Variants in MCF2 observed in about 807,000 individuals in gnomAD.
The protein encoded by MCF2 is MCF.2 cell line derived transforming sequence.
A neutral mutation model predicts 82.5 loss-of-function variants in MCF2; 44 were observed. That is an observed-to-expected ratio of 0.53 (90% confidence interval 0.42 to 0.69). The LOEUF (loss-of-function observed/expected upper bound fraction) is 0.69, where lower values mean the gene tolerates loss of function less well. MCF2 is among the 30% of genes least tolerant of loss of function. The probability of loss-of-function intolerance (pLI) is 0.00; values close to 1 mark genes in which losing one functional copy is unlikely to be tolerated. For missense variants in MCF2, 623 were observed against 663.1 expected, an observed-to-expected ratio of 0.94 and a Z score of 0.66; for synonymous variants, 217 against 224.9, an observed-to-expected ratio of 0.96 and a Z score of 0.32.
intron 1 of MCF2, among the ~76,000 whole-genome samples, chrX:139,703,085 G>C (rs1005690735): frequency 1.8e-5 from 2 of 112,122 alleles, no homozygotes; most frequent in Non-Finnish European, 3.8e-5. Context: ...AGAACTTCTT[G>C]TAAGGTTGCA....
chrX:139,632,499 C>T, intron 1 of MCF2, 45 bp from the exon 5 acceptor site: 1 of 1,126,942 alleles, frequency 8.9e-7, no homozygotes, highest in East Asian at 3.0e-5. Flanking sequence ...AAATTGTCAA[C>T]ACACACTCAA....
At chrX:139,589,370 A>T (rs1477644454) in intron 20 of MCF2, among the ~76,000 whole-genome samples, 1 of 112,019 alleles carries the variant, frequency 8.9e-6, no homozygotes, top group East Asian at 2.8e-4. Context: ...AAATGTTCTG[A>T]TTCCTCTTCC....
chrX:139,641,885 G>A (rs1029039284), intron 1 of MCF2, among the ~76,000 whole-genome samples: 2 of 111,452 alleles, frequency 1.8e-5, no homozygotes, highest in Non-Finnish European at 3.8e-5. Flanking sequence ...TGAAAAGTGA[G>A]TTACTGTCTT....
intron 1 of MCF2, among the ~76,000 whole-genome samples, chrX:139,653,872 C>T (rs1006426904): frequency 3.6e-5 from 4 of 110,758 alleles, no homozygotes; most frequent in Non-Finnish European, 7.5e-5. Flanking sequence ...TTAGCTCTCA[C>T]ATATTAGTGA....
intron 1 of MCF2, chrX:139,642,405 C>G: frequency 8.3e-7 from 1 of 1,202,781 alleles, no homozygotes; most frequent in African/African-American, 1.7e-5. Context: ...TAGCACCATG[C>G]TGCAGCATCC....
chrX:139,606,410 T>C (rs1931015817), intron 12 of MCF2, among the ~76,000 whole-genome samples: 1 of 110,697 alleles, frequency 9.0e-6, no homozygotes, highest in Admixed American at 9.7e-5. Context: ...CAGGCTTGAG[T>C]GCAGTGGGGT....
intron 1 of MCF2, among the ~76,000 whole-genome samples, chrX:139,642,203 C>T (rs1174820389): frequency 1.8e-5 from 2 of 111,805 alleles, no homozygotes; most frequent in Non-Finnish European, 3.8e-5. Context: ...CAGTCTTAAA[C>T]GAATAACATG....
chrX:139,612,415 C>T (rs1037804067), intron 10 of MCF2, among the ~76,000 whole-genome samples: 6 of 110,812 alleles, frequency 5.4e-5, no homozygotes, highest in Non-Finnish European at 7.6e-5. Flanking sequence ...TTTTATTCCT[C>T]GCTGTCAATA....
At chrX:139,692,692 T>C (rs1159519201) in intron 1 of MCF2, among the ~76,000 whole-genome samples, 1 of 112,061 alleles carries the variant, frequency 8.9e-6, no homozygotes, top group Non-Finnish European at 1.9e-5. Flanking sequence ...CTGGCCAGTA[T>C]CCACCTGGGC....
chrX:139,700,310 T>C (rs1398847009), intron 1 of MCF2, among the ~76,000 whole-genome samples: 1 of 111,418 alleles, frequency 9.0e-6, no homozygotes, highest in African/African-American at 3.3e-5. Flanking sequence ...ACCCCTCCTG[T>C]GATAATTTGT....
intron 1 of MCF2, among the ~76,000 whole-genome samples, chrX:139,660,800 T>A (rs769031002): frequency 1.8e-5 from 2 of 112,110 alleles, no homozygotes; most frequent in Non-Finnish European, 3.8e-5. Context: ...TAACACCTAC[T>A]GGAGCCGCCT....
chrX:139,592,517 C>T (rs1929610054), intron 19 of MCF2, among the ~76,000 whole-genome samples: 1 of 111,889 alleles, frequency 8.9e-6, no homozygotes, highest in South Asian at 3.7e-4. Context: ...ATAAAATGTA[C>T]ATCAAATGCA....
intron 2 of MCF2, among the ~76,000 whole-genome samples, chrX:139,649,209 A>C (rs1454130839): frequency 8.9e-6 from 1 of 112,299 alleles, no homozygotes; most frequent in Non-Finnish European, 1.9e-5. Context: ...TAATCAAACT[A>C]GTCCAAAGTA....
chrX:139,678,940 T>C (rs760275924), intron 1 of MCF2, among the ~76,000 whole-genome samples: 2 of 112,647 alleles, frequency 1.8e-5, no homozygotes, highest in South Asian at 3.7e-4. Flanking sequence ...AAGGACCACC[T>C]TAAAATTATT....
In MCF2 at chrX:139,696,526, C is replaced by T. The variant is rs190493951; in HGVS notation, c.-45+11580G>A. Among the ~76,000 whole-genome samples the T allele has an allele frequency of 3.6e-4, 40 of 111,331 alleles. No individual in the cohort carries two copies. In the East Asian group the frequency reaches 9.4e-3, roughly 26 times the overall value. On this transcript the variant is annotated intron_variant, in intron 1 of 27. Transcript: ENST00000414978. The stretch of plus-strand genomic sequence containing the variant: ...GCAACCTCCACCACCCGGGCTCAAG[C>T]GATTCTCATGCCTCAGCCTCCCAAG...
intron 21 of MCF2, among the ~76,000 whole-genome samples, 162 bp from the exon 26 acceptor site, chrX:139,587,950 G>C (rs1451745640): frequency 9.0e-6 from 1 of 110,629 alleles, no homozygotes; most frequent in Non-Finnish European, 1.9e-5. Context: ...GGGAAGGCCA[G>C]TCTCAAGTTT....
At chrX:139,651,362 C>T (rs1051331797) in intron 2 of MCF2, among the ~76,000 whole-genome samples, 2 of 111,051 alleles carry the variant, frequency 1.8e-5, no homozygotes, top group African/African-American at 6.6e-5. Flanking sequence ...TTTGAGTAAT[C>T]AAAGAAGCTA....
At chrX:139,630,127 G>A (rs1326801833) in intron 3 of MCF2, among the ~76,000 whole-genome samples, 1 of 111,727 alleles carries the variant, frequency 9.0e-6, no homozygotes, top group Admixed American at 9.6e-5. Flanking sequence ...TCTTAAAGAT[G>A]CCATGTATTG....
chrX:139,615,374 G>A lies in MCF2; in HGVS notation c.1192-322C>T, dbSNP rs145201822. On this transcript the variant is annotated intron_variant, in intron 9 of 24. Transcript: ENST00000370576. ...GAAAGAAGGCATATTGCTCTTTCCTGTTTAGCATAAGAAAGCCACCAAGTT... is the reference window on the plus strand; with the variant it reads ...GAAAGAAGGCATATTGCTCTTTCCTATTTAGCATAAGAAAGCCACCAAGTT... 9.0e-5 allele frequency among the ~76,000 whole-genome samples: 10 copies of A among 111,653 alleles called. No individual in the cohort carries two copies. In the East Asian group the frequency reaches 2.8e-3, roughly 32 times the overall value.
Sources: gnomAD v4.1 joint callset for allele counts (sites outside exome capture counted in the v4.1 genomes callset) on GRCh38, gnomAD v4.1.1 for gene constraint, MANE v1.5 for transcripts, NCBI Gene and HGNC (gene_info 2026-07-23, HGNC 2026-07-21) for gene names.